UROC1: variants seen among roughly 807,000 people sequenced by gnomAD.
UROC1 encodes urocanate hydratase 1.
In UROC1, 79 loss-of-function variants were observed where a neutral mutation model predicts 89.5. The observed-to-expected ratio is 0.88, with a 90% CI of 0.74 to 1.06. The LOEUF is 1.06. UROC1 is among the 50% of genes least tolerant of loss of function. The probability of loss-of-function intolerance (pLI) is 0.00; values close to 1 mark genes in which losing one functional copy is unlikely to be tolerated. For synonymous variants in UROC1, 361 were observed against 354.8 expected (o/e 1.02, Z -0.20); for missense variants, 885 against 907.8 (o/e 0.97, Z 0.32).
At chr3:126,490,616 T>G (rs1576712953) in intron 16 of UROC1, among the ~76,000 whole-genome samples, 1 of 147,620 alleles carries the variant, frequency 6.8e-6, no homozygotes, top group African/African-American at 2.5e-5. Flanking sequence ...ATCTGGGGGG[T>G]GGAGGTTGCA....
intron 14 of UROC1, 150 bp from the exon 15 acceptor site, chr3:126,496,258 C>A: frequency 1.4e-6 from 1 of 728,396 alleles, no homozygotes; most frequent in Non-Finnish European, 2.4e-6. Context: ...CCACCCCTGC[C>A]TTTGTGAACT....
At chr3:126,484,078 T>TG (rs537124075) in intron 18 of UROC1, among the ~76,000 whole-genome samples, 232 of 152,294 alleles carry the variant, frequency 1.5e-3, no homozygotes, top group African/African-American at 5.1e-3. Context: ...CTCAAGTGTA[T>TG]GGGGGGTCCT....
intron 19 of UROC1, 124 bp downstream of exon 19, chr3:126,483,245 G>T: frequency 1.2e-6 from 1 of 859,752 alleles, no homozygotes; most frequent in Non-Finnish European, 1.9e-6. Flanking sequence ...CTGTGCTGTG[G>T]TCATGAGAGG....
chr3:126,507,706 G>A (rs1464178531), intron 6 of UROC1, 36 bp downstream of exon 6: 1 of 1,608,658 alleles, frequency 6.2e-7, no homozygotes, highest in Non-Finnish European at 8.5e-7. Context: ...GGCTAACGGG[G>A]AAACACGGTG....
At chr3:126,509,755 G>T in intron 2 of UROC1, 77 bp from the exon 3 acceptor site, 1 of 1,353,740 alleles carries the variant, frequency 7.4e-7, no homozygotes, top group Non-Finnish European at 1.0e-6. Flanking sequence ...CCCAGCCCCT[G>T]GCCGCTCAGG....
In UROC1 at chr3:126,510,701, T is replaced by C; in HGVS notation, c.220A>G (p.Ile74Val). 1 of 1,614,162 alleles carries C rather than the reference T, an allele frequency of 6.2e-7. No individual in the cohort carries two copies. Among genetic ancestry groups the C allele is most frequent in the Middle Eastern group, 1.6e-4 (1 of 6,062 alleles). ...FAQELQLYGH[I>V]YMYRFCPDIE... ...TCGGGGCAAAACCGGTACATGTAGA[T>C]GTGTCCGTACAGTTGCAGCTCCTGG... Residue 74 changes from isoleucine (I) to valine (V), a missense_variant, in exon 2 of 20, where the codon ATC becomes GTC. Coordinates refer to ENST00000290868, the MANE Select transcript of UROC1 (RefSeq NM_144639.3).
intron 16 of UROC1, among the ~76,000 whole-genome samples, chr3:126,491,935 C>G (rs767293932): frequency 3.9e-5 from 6 of 152,178 alleles, no homozygotes; most frequent in Non-Finnish European, 7.3e-5. Context: ...CAAGGTCACA[C>G]AGCAGGGAAC....
In UROC1 at chr3:126,482,066, G is replaced by A. The variant is rs1029385631; in HGVS notation, c.*279C>T. The A allele has an allele frequency of 1.2e-4, 59 of 503,994 alleles. No homozygotes were observed. In the East Asian group the frequency reaches 1.7e-3, roughly 15 times the overall value. 31.2% of individuals were successfully genotyped at this position (503,994 alleles called of 1,614,324 possible). ...GACCAGTGTTCACCGCAGGGCCCCC[G>A]GGCAGGCTTGGGACTTGGCCCTAAA... On this transcript the variant is annotated 3_prime_UTR_variant, in exon 20 of 20. Transcript: ENST00000290868.
Position 126,505,975 on chromosome 3 carries a change from G to A in UROC1, c.639C>T (p.Ile213=), listed in dbSNP as rs370218204. The A allele has an allele frequency of 3.0e-5, 48 of 1,597,782 alleles. No individual in the cohort carries two copies. The South Asian group carries it at 3.2e-4, about 11-fold the overall frequency. ...TGCCATGAACGATTCCCTGGGGACC[G>A]ATGTAGCAGTAGCTACCTGCTGTCA... is the stretch of plus-strand genomic sequence containing the variant. ...GQMTAGSYCY[I]GPQGIVHGTV... The change falls in exon 7 of 20, where the codon ATC becomes ATT. Residue 213 remains isoleucine, a synonymous_variant. Coordinates refer to ENST00000290868, the MANE Select transcript of UROC1 (RefSeq NM_144639.3).
Position 126,482,429 on chromosome 3 carries a change from G to A in UROC1, c.1947C>T (p.Thr649=). 6.2e-7 allele frequency: 1 copy of A among 1,614,040 alleles called. No individual in the cohort carries two copies. Among genetic ancestry groups the A allele is most frequent in the Non-Finnish European group, 8.5e-7 (1 of 1,180,008 alleles). ...CCACCAAGGTGCTGTTCTCCTGCAT[G>A]GTCTGGCAGATGATCTCATAGGCCT... ...NQKAYEIICQ[T]MQENSTLVVT... is the part of the protein sequence containing the mutation. Residue 649 remains threonine (T), a synonymous_variant, in exon 20 of 20, where the codon ACC becomes ACT. Transcript: ENST00000290868.
chr3:126,488,270 A>G lies in UROC1; in HGVS notation c.1718T>C (p.Val573Ala), dbSNP rs766406934. 1.9e-6 allele frequency: 3 copies of G among 1,614,218 alleles called. No individual in the cohort carries two copies. The highest frequency in any genetic ancestry group is 4.5e-5 in the East Asian group (2 of 44,878). ...DGSAFCADMA[V>A]QNFVGDACRG... Reference sequence around the variant, plus strand: ...ACAGGCATCTCCCACGAAGTTCTGCACAGCCATGTCTGCGGAAATAGAGAC... The same window carrying G: ...ACAGGCATCTCCCACGAAGTTCTGCGCAGCCATGTCTGCGGAAATAGAGAC... The change falls in exon 18 of 20, where the codon GTG becomes GCG. Residue 573 changes from valine (V) to alanine (A), a missense_variant. By Grantham distance (64) the Val-to-Ala change is moderately conservative. Transcript: ENST00000290868.
chr3:126,508,078 G>T lies in UROC1; in HGVS notation c.429C>A (p.Phe143Leu). 6.2e-7 allele frequency: 1 copy of T among 1,613,968 alleles called. No individual in the cohort carries two copies. Among genetic ancestry groups the T allele is most frequent in the South Asian group, 1.1e-5 (1 of 91,082 alleles). The change falls in exon 5 of 20, where the codon TTC becomes TTA. Residue 143 changes from phenylalanine (F) to leucine (L), a missense_variant. Phe to Leu is a conservative substitution (Grantham distance 22). Transcript: ENST00000290868. ...GCTCCTCTGTCATCTTCGACAAGTA[G>T]AACATGGTCAGCCAGAACTGGGGGA... ...SNWAQFWLTMFYLSKMTEEQT... is the reference protein window; with the variant it reads ...SNWAQFWLTMLYLSKMTEEQT...
intron 15 of UROC1, among the ~76,000 whole-genome samples, chr3:126,495,695 T>C (rs1576716680): frequency 6.6e-6 from 1 of 152,192 alleles, no homozygotes; most frequent in Non-Finnish European, 1.5e-5. Flanking sequence ...CATAGGGTAA[T>C]TCTATTTTTG....
intron 9 of UROC1, chr3:126,502,020 G>GCGGT: frequency 6.9e-7 from 1 of 1,458,116 alleles, no homozygotes; most frequent in Non-Finnish European, 9.0e-7. Flanking sequence ...CGGAAGTGTG[G>GCGGT]CAGACAGGTT....
At chr3:126,503,871 C>G (rs1326542430) in intron 9 of UROC1, 124 bp downstream of exon 9, 9 of 1,011,644 alleles carry the variant, frequency 8.9e-6, no homozygotes, top group Non-Finnish European at 1.4e-5. Context: ...GTGTGGTGCC[C>G]ACATGTAGCC....
intron 14 of UROC1, among the ~76,000 whole-genome samples, chr3:126,497,138 G>T (rs755690332): frequency 6.6e-6 from 1 of 152,146 alleles, no homozygotes; most frequent in Non-Finnish European, 1.5e-5. Context: ...CCTCTGCCTG[G>T]CTCTCCTACT....
At chr3:126,510,561 C>T in intron 2 of UROC1, 103 bp downstream of exon 2, 1 of 1,537,922 alleles carries the variant, frequency 6.5e-7, no homozygotes, top group Non-Finnish European at 8.8e-7. Context: ...ACTGGGTTTC[C>T]CCCTCACTGC....
chr3:126,517,614 G>C lies in UROC1; in HGVS notation c.106C>G (p.Leu36Val). ...CTTACCTGTTTCTCCACAGGGCTGA[G>C]GCTGGGGGTCCTGACAGGGGCATGG... is the stretch of plus-strand genomic sequence containing the variant. Reference protein sequence around the residue: ...VPHAPVRTPSLSPVEKQLALR... With the variant: ...VPHAPVRTPSVSPVEKQLALR... Residue 36 changes from leucine to valine, a missense_variant, in exon 1 of 20, where the codon CTC (leucine) becomes GTC (valine). Physicochemically the swap from Leu to Val is conservative, Grantham distance 32. Transcript: ENST00000290868. 6.2e-7 allele frequency: 1 copy of C among 1,612,304 alleles called. No individual in the cohort carries two copies. Among genetic ancestry groups the C allele is most frequent in the East Asian group, 2.2e-5 (1 of 44,864 alleles).
intron 18 of UROC1, among the ~76,000 whole-genome samples, chr3:126,487,680 T>C (rs1487370675): frequency 6.6e-6 from 1 of 152,208 alleles, no homozygotes; most frequent in Non-Finnish European, 1.5e-5. Flanking sequence ...TGGGGAGCTT[T>C]TCTCATAGAG....
Sources: gnomAD v4.1 joint callset for allele counts (sites outside exome capture counted in the v4.1 genomes callset) on GRCh38, gnomAD v4.1.1 for gene constraint, MANE v1.5 for transcripts, NCBI Gene and HGNC (gene_info 2026-07-23, HGNC 2026-07-21) for gene names.